Variants in ZFYVE1 observed in about 807,000 individuals in gnomAD.
ZFYVE1 encodes zinc finger FYVE-type containing 1, also known as zinc finger FYVE domain-containing protein 1.
Under a neutral mutation model 74.4 loss-of-function variants are expected in ZFYVE1, and 30 were observed. The ratio of observed to expected loss-of-function variants is 0.40; its 90% CI spans 0.30 to 0.55. The LOEUF is 0.55. Ranked by LOEUF, ZFYVE1 falls within the 20% of genes least tolerant of loss-of-function variation. The pLI is 0.42. For synonymous variants in ZFYVE1, 335 were observed against 385.1 expected (o/e 0.87, Z 1.52); for missense variants, 703 against 1,011.6 (o/e 0.69, Z 4.14).
Position 72,970,035 on chromosome 14 carries a change from G to A in ZFYVE1, c.*847C>T. On this transcript the variant is annotated 3_prime_UTR_variant, in exon 12 of 12. Transcript: ENST00000556143. ...GGTGGGCTTGAGGGGGCCGAGGGGTGGGAGGCAGATGCTTCGATTGAGGAG... is the reference window on the plus strand; with the variant it reads ...GGTGGGCTTGAGGGGGCCGAGGGGTAGGAGGCAGATGCTTCGATTGAGGAG... 1 of 403,942 alleles carries A rather than the reference G, an allele frequency of 2.5e-6. No homozygotes were observed. The highest frequency in any genetic ancestry group is 4.4e-6 in the Non-Finnish European group (1 of 226,172). 25.0% of individuals were successfully genotyped at this position (403,942 alleles called of 1,614,324 possible).
At chr14:72,990,615 C>T (rs567224526) in intron 4 of ZFYVE1, among the ~76,000 whole-genome samples, 17 of 149,738 alleles carry the variant, frequency 1.1e-4, no homozygotes, top group African/African-American at 3.0e-4. Context: ...AGGCTGGTCT[C>T]GAACTCCCAA....
Position 72,974,187 on chromosome 14 carries a change from G to C in ZFYVE1, c.1994C>G (p.Thr665Ser). 1 of 1,613,978 alleles carries C rather than the reference G, an allele frequency of 6.2e-7. No individual in the cohort carries two copies. The highest frequency in any genetic ancestry group is 8.5e-7 in the Non-Finnish European group (1 of 1,179,888). Residue 665 changes from threonine (T) to serine (S), a missense_variant, in exon 11 of 12, where the codon ACC becomes AGC. Physicochemically the swap from Thr to Ser is moderately conservative, Grantham distance 58. Around this residue, in one of 2 missense-constraint regions of ZFYVE1, gnomAD observed 492 missense variants for 790.0 expected, o/e 0.62. Coordinates refer to ENST00000556143, the MANE Select transcript of ZFYVE1 (RefSeq NM_021260.4). ...ACCTTCATCGTCCACTTGTGCCTCG[G>C]TAACAGCTGTAGACAGTAATAAAGG... The part of the protein sequence containing the change: ...YEARNVQLAV[T>S]EAQVDDEGGT...
intron 11 of ZFYVE1, among the ~76,000 whole-genome samples, chr14:72,973,000 C>T (rs530773307): frequency 1.2e-4 from 18 of 152,152 alleles, no homozygotes; most frequent in East Asian, 1.9e-4. Context: ...CCACGGTGCC[C>T]GGCCAGCTAT....
At chr14:73,001,185 T>TC (rs1173215998) in intron 2 of ZFYVE1, among the ~76,000 whole-genome samples, 2 of 115,320 alleles carry the variant, frequency 1.7e-5, no homozygotes, top group Non-Finnish European at 4.4e-5. Context: ...GTTGTTTTTT[T>TC]CTTTTTTTCA....
chr14:72,981,753 G>T, intron 5 of ZFYVE1, 36 bp downstream of exon 5: 1 of 1,589,490 alleles, frequency 6.3e-7, no homozygotes, highest in South Asian at 1.1e-5. Context: ...TATTCTCAAG[G>T]TATGGGGTGG....
chr14:73,015,783 C>A (rs550895767), intron 2 of ZFYVE1, among the ~76,000 whole-genome samples: 33 of 152,128 alleles, frequency 2.2e-4, no homozygotes, highest in Non-Finnish European at 4.6e-4. Flanking sequence ...CAAGTGAGGC[C>A]GCCAAGCCAC....
Position 73,021,354 on chromosome 14 carries a change from A to AAATAAAT in ZFYVE1, c.483+2671_483+2672insATTTATT, listed in dbSNP as rs1567365742. Reference sequence around the variant, plus strand: ...CAGAGTGAGACTCTGTCTCAAAATAAAAATAAATAAATAAATAAATAAATA... The same window carrying AAATAAAT: ...CAGAGTGAGACTCTGTCTCAAAATAAAATAAATAAATAAATAAATAAATAAATAAATA... On this transcript the variant is annotated intron_variant, in intron 2 of 11. Transcript: ENST00000556143. 1.2e-4 allele frequency among the ~76,000 whole-genome samples: 17 copies of AAATAAAT among 147,630 alleles called. 1 individual carries two copies. Among genetic ancestry groups the AAATAAAT allele is most frequent in the Middle Eastern group, 3.4e-3 (1 of 292 alleles).
rs1475302615 is a variant in ZFYVE1 at position 72,970,691 on chromosome 14, C to A, written c.*191G>T. On this transcript the variant is annotated 3_prime_UTR_variant, in exon 12 of 12. Coordinates refer to ENST00000556143, the MANE Select transcript of ZFYVE1 (RefSeq NM_021260.4). The stretch of plus-strand genomic sequence containing the variant: ...TCCCCTTTGCGATAAGTTGCAAGGT[C>A]CCCTGCCCTGAGGGGTCCACACCTT... 2 of 624,930 alleles carry A rather than the reference C, an allele frequency of 3.2e-6. No homozygotes were observed. Among genetic ancestry groups the A allele is most frequent in the Non-Finnish European group, 5.6e-6 (2 of 354,748 alleles). The allele number at this position is 624,930 out of a possible 1,614,324, so 38.7% of individuals were successfully genotyped here.
chr14:72,979,105 A>G (rs1893256818), intron 5 of ZFYVE1, 136 bp from the exon 6 acceptor site: 1 of 737,606 alleles, frequency 1.4e-6, no homozygotes, highest in Non-Finnish European at 2.4e-6. Context: ...TGCTGAACAC[A>G]GAAAGGGTAG....
chr14:73,024,689 T>C lies in ZFYVE1; in HGVS notation c.-181A>G. On this transcript the variant is annotated 5_prime_UTR_variant, in exon 2 of 12. Transcript: ENST00000556143. The stretch of plus-strand genomic sequence containing the variant: ...CACAAACAAATGTTCAAATTTTTAA[T>C]TTGCTGCCTCTAAGACTCTTGTATT... 1 of 921,818 alleles carries C rather than the reference T, an allele frequency of 1.1e-6. No individual in the cohort carries two copies. Among genetic ancestry groups the C allele is most frequent in the Non-Finnish European group, 1.5e-6 (1 of 647,584 alleles). 57.1% of individuals were successfully genotyped at this position (921,818 alleles called of 1,614,324 possible).
intron 2 of ZFYVE1, among the ~76,000 whole-genome samples, chr14:73,010,104 T>C (rs918503040): frequency 6.6e-5 from 10 of 152,068 alleles, no homozygotes; most frequent in Non-Finnish European, 1.5e-4. Flanking sequence ...ATAGGGATAA[T>C]TGAACAAGCA....
chr14:73,009,436 G>A (rs1025175044), intron 2 of ZFYVE1, among the ~76,000 whole-genome samples: 1 of 152,164 alleles, frequency 6.6e-6, no homozygotes, highest in Non-Finnish European at 1.5e-5. Context: ...ACCATCAGCT[G>A]GAAATTTCAT....
intron 2 of ZFYVE1, among the ~76,000 whole-genome samples, chr14:73,011,269 G>A (rs764598605): frequency 6.6e-6 from 1 of 151,620 alleles, no homozygotes; most frequent in African/African-American, 2.4e-5. Flanking sequence ...TAGATCACTC[G>A]AGGCCAGGAG....
intron 4 of ZFYVE1, among the ~76,000 whole-genome samples, chr14:72,990,192 G>C (rs150494397): frequency 8.1e-4 from 123 of 152,200 alleles, no homozygotes; most frequent in Middle Eastern, 6.8e-3. Context: ...CAAAGATTTG[G>C]GTAAACTGCA....
rs1894419605 is a variant in ZFYVE1, at chr14:73,024,708, T to C, written c.-200A>G. The C allele has an allele frequency of 8.7e-6, 6 of 693,552 alleles. No homozygotes were observed. 43.0% of individuals were successfully genotyped at this position (693,552 alleles called of 1,614,324 possible). ...TTTTAATTTGCTGCCTCTAAGACTCTTGTATTAGCAGCAACGTTGATTTGG... is the reference window on the plus strand; with the variant it reads ...TTTTAATTTGCTGCCTCTAAGACTCCTGTATTAGCAGCAACGTTGATTTGG... On this transcript the variant is annotated 5_prime_UTR_variant, in exon 2 of 12. Coordinates refer to ENST00000556143, the MANE Select transcript of ZFYVE1 (RefSeq NM_021260.4).
chr14:73,017,107 G>A (rs1894218707), intron 2 of ZFYVE1, among the ~76,000 whole-genome samples: 1 of 151,998 alleles, frequency 6.6e-6, no homozygotes, highest in South Asian at 2.1e-4. Context: ...GGCCATCATA[G>A]TAAGGCCCTG....
chr14:72,979,079 C>G, intron 5 of ZFYVE1, 110 bp from the exon 6 acceptor site: 2 of 887,268 alleles, frequency 2.3e-6, no homozygotes, highest in Admixed American at 3.6e-5. Flanking sequence ...ACCTTGATTA[C>G]TAACTGGGCC....
chr14:73,011,265 ACTCGAGGCCAG>A (rs916837722), intron 2 of ZFYVE1, among the ~76,000 whole-genome samples: 2 of 151,736 alleles, frequency 1.3e-5, no homozygotes, highest in African/African-American at 4.8e-5. Context: ...CGAGTAGATC[ACTCGAGGCCAG>A]GAGGTTCGAG....
intron 2 of ZFYVE1, among the ~76,000 whole-genome samples, chr14:73,004,320 T>C (rs546964391): frequency 6.6e-6 from 1 of 152,258 alleles, no homozygotes; most frequent in African/African-American, 2.4e-5. Flanking sequence ...AAATCTACTC[T>C]GTCGCGACTC....
Sources: gnomAD v4.1 joint callset for allele counts (sites outside exome capture counted in the v4.1 genomes callset) on GRCh38, gnomAD v4.1.1 for gene constraint, gnomAD v4.1.1 regional missense constraint, MANE v1.5 for transcripts, NCBI Gene and HGNC (gene_info 2026-07-23, HGNC 2026-07-21) for gene names.